Variants in MSRB3 observed in about 807,000 individuals in gnomAD.
MSRB3 encodes the protein methionine sulfoxide reductase B3.
Under a neutral mutation model 21.0 loss-of-function variants are expected in MSRB3, and 13 were observed. The observed-to-expected ratio is 0.62, with a 90% CI of 0.40 to 0.98. The LOEUF (loss-of-function observed/expected upper bound fraction) is 0.98. Among genes scored for constraint, MSRB3 ranks in the 50% least tolerant of loss-of-function variants. The probability of loss-of-function intolerance (pLI) is 0.00; values close to 1 mark genes in which losing one functional copy is unlikely to be tolerated. For missense variants in MSRB3, 199 were observed against 230.3 expected (o/e 0.86, Z 0.88); for synonymous variants, 87 against 88.6 (o/e 0.98, Z 0.10).
At chr12:65,337,415 A>G (rs1416468845) in intron 4 of MSRB3, among the ~76,000 whole-genome samples, 1 of 135,676 alleles carries the variant, frequency 7.4e-6, no homozygotes, top group Non-Finnish European at 1.6e-5. Flanking sequence ...GCCTGGTGAC[A>G]GAGTGAGACT....
intron 5 of MSRB3, among the ~76,000 whole-genome samples, chr12:65,417,204 TA>T (rs1395180665): frequency 6.6e-6 from 1 of 152,204 alleles, no homozygotes; most frequent in African/African-American, 2.4e-5. Context: ...ATTTGTCCTA[TA>T]ATACTTAGTC....
rs149878233 is a variant in MSRB3, at chr12:65,324,435, T to C, written c.77-2391T>C. Among the ~76,000 whole-genome samples the C allele has an allele frequency of 2.0e-4, 30 of 152,342 alleles. No homozygotes were observed. The East Asian group carries it at 5.6e-3, about 28-fold the overall frequency. On this transcript the variant is annotated intron_variant, in intron 2 of 6. Transcript: ENST00000308259. ...AGATGTTTCATAGTGGAAAACAATC[T>C]GTTTTTAAGAATGTTTAGATCAAAA...
intron 6 of MSRB3, among the ~76,000 whole-genome samples, chr12:65,459,437 T>G (rs1179626453): frequency 6.6e-6 from 1 of 152,156 alleles, no homozygotes; most frequent in Non-Finnish European, 1.5e-5. Flanking sequence ...TTTCTTGATC[T>G]TTCAGTAAAA....
At chr12:65,413,037 C>T (rs186689503) in intron 5 of MSRB3, among the ~76,000 whole-genome samples, 34 of 152,192 alleles carry the variant, frequency 2.2e-4, no homozygotes, top group Non-Finnish European at 3.7e-4. Flanking sequence ...GGGATGATGG[C>T]GATTACAATT....
intron 6 of MSRB3, among the ~76,000 whole-genome samples, chr12:65,461,673 TTC>T (rs1883337731): frequency 1.3e-5 from 2 of 152,194 alleles, no homozygotes; most frequent in South Asian, 2.1e-4. Flanking sequence ...TCTCTCATTT[TTC>T]TCTCTTCATC....
At chr12:65,336,771 C>T (rs759607492) in intron 4 of MSRB3, among the ~76,000 whole-genome samples, 11 of 152,096 alleles carry the variant, frequency 7.2e-5, no homozygotes, top group Non-Finnish European at 1.5e-4. Flanking sequence ...ATTCACAAAG[C>T]TTTTTTTGTA....
At chr12:65,376,184 G>C (rs1410304612) in intron 5 of MSRB3, among the ~76,000 whole-genome samples, 1 of 144,708 alleles carries the variant, frequency 6.9e-6, no homozygotes, top group Non-Finnish European at 1.5e-5. Flanking sequence ...CAGTGGCGCC[G>C]TCTCGGCTCA....
chr12:65,419,625 G>T, intron 5 of MSRB3: 1 of 710,932 alleles, frequency 1.4e-6, no homozygotes, highest in South Asian at 1.4e-5. Flanking sequence ...GGTCCTCGAT[G>T]GTCTTGAAAT....
At chr12:65,347,518 A>C (rs1876601600) in intron 4 of MSRB3, among the ~76,000 whole-genome samples, 1 of 152,194 alleles carries the variant, frequency 6.6e-6, no homozygotes, top group Non-Finnish European at 1.5e-5. Context: ...ATATACAATC[A>C]TGTCATCTGC....
At chr12:65,436,484 T>G (rs941721952) in intron 5 of MSRB3, among the ~76,000 whole-genome samples, 3 of 151,884 alleles carry the variant, frequency 2.0e-5, no homozygotes, top group African/African-American at 7.2e-5. Flanking sequence ...TTTGTTCTCA[T>G]GCATTTAGAA....
intron 1 of MSRB3, among the ~76,000 whole-genome samples, chr12:65,282,457 A>G (rs1287609866): frequency 6.6e-6 from 1 of 152,236 alleles, no homozygotes; most frequent in Non-Finnish European, 1.5e-5. Context: ...AACGCATCGA[A>G]CAATTGACTT....
At chr12:65,426,739 T>A (rs1881618303) in intron 5 of MSRB3, among the ~76,000 whole-genome samples, 1 of 152,272 alleles carries the variant, frequency 6.6e-6, no homozygotes, top group Non-Finnish European at 1.5e-5. Flanking sequence ...CTTTTCATTC[T>A]TTTTCTTTTA....
At chr12:65,370,801 A>G (rs1878276440) in intron 5 of MSRB3, among the ~76,000 whole-genome samples, 1 of 152,196 alleles carries the variant, frequency 6.6e-6, no homozygotes, top group Admixed American at 6.5e-5. Flanking sequence ...TTTGAAAACT[A>G]CAAAGTTCTG....
intron 5 of MSRB3, among the ~76,000 whole-genome samples, chr12:65,414,726 C>A (rs1880886459): frequency 6.6e-6 from 1 of 152,096 alleles, no homozygotes; most frequent in Admixed American, 6.5e-5. Context: ...ATAGTATTTC[C>A]CAATAGGAAA....
intron 2 of MSRB3, among the ~76,000 whole-genome samples, chr12:65,309,919 C>T (rs1873887972): frequency 6.6e-6 from 1 of 152,102 alleles, no homozygotes; most frequent in Non-Finnish European, 1.5e-5. Context: ...TCATGAAGCA[C>T]TTTATATGAT....
At chr12:65,460,374 A>G (rs150553475) in intron 6 of MSRB3, among the ~76,000 whole-genome samples, 1 of 151,968 alleles carries the variant, frequency 6.6e-6, no homozygotes, top group African/African-American at 2.4e-5. Flanking sequence ...TGCGCTTTTC[A>G]AAGAAACCGG....
At chr12:65,425,802 A>G (rs940786098) in intron 5 of MSRB3, among the ~76,000 whole-genome samples, 1 of 152,148 alleles carries the variant, frequency 6.6e-6, no homozygotes, top group African/African-American at 2.4e-5. Context: ...TACATTATAA[A>G]AGTATCCTGA....
At chr12:65,409,432 T>C (rs1437927843) in intron 5 of MSRB3, among the ~76,000 whole-genome samples, 1 of 152,116 alleles carries the variant, frequency 6.6e-6, no homozygotes, top group African/African-American at 2.4e-5. Flanking sequence ...CAGTGTTAAG[T>C]ATTTGTGTAT....
At chr12:65,380,947 G>C (rs1244923052) in intron 5 of MSRB3, among the ~76,000 whole-genome samples, 1 of 152,150 alleles carries the variant, frequency 6.6e-6, no homozygotes, top group Non-Finnish European at 1.5e-5. Flanking sequence ...ATTCCCACAT[G>C]ACATACTTGC....
Sources: gnomAD v4.1 joint callset for allele counts (sites outside exome capture counted in the v4.1 genomes callset) on GRCh38, gnomAD v4.1.1 for gene constraint, MANE v1.5 for transcripts, NCBI Gene and HGNC (gene_info 2026-07-23, HGNC 2026-07-21) for gene names.